The following LRP1B variants were observed in gnomAD, a reference collection of about 807,000 sequenced individuals.
LRP1B encodes low-density lipoprotein receptor-related protein 1B.
In LRP1B, 217 loss-of-function variants were observed where a neutral mutation model predicts 556.6. The observed-to-expected ratio is 0.39, with a 90% CI of 0.35 to 0.44. LRP1B has a LOEUF of 0.44. LRP1B is among the 20% of genes least tolerant of loss of function. The pLI is 1.00. For synonymous variants in LRP1B, 2,047 were observed against 1,865.8 expected (o/e 1.10, Z -2.50); for missense variants, 5,053 against 5,620.8 (o/e 0.90, Z 3.23).
intron 7 of LRP1B, among the ~76,000 whole-genome samples, chr2:141,082,364 C>T (rs1699945391): frequency 6.6e-6 from 1 of 151,930 alleles, no homozygotes; most frequent in African/African-American, 2.4e-5. Context: ...TGGATAAAAG[C>T]TGGGCTCTTC....
At chr2:141,436,780 A>G (rs988205224) in intron 3 of LRP1B, among the ~76,000 whole-genome samples, 5 of 152,178 alleles carry the variant, frequency 3.3e-5, no homozygotes, top group East Asian at 1.9e-4. Context: ...TAGGTTCAAA[A>G]TAGAGGAGGT....
intron 66 of LRP1B, among the ~76,000 whole-genome samples, chr2:140,387,129 T>C (rs1353981062): frequency 6.6e-6 from 1 of 152,164 alleles, no homozygotes; most frequent in Non-Finnish European, 1.5e-5. Context: ...TTCGTGTACT[T>C]AGATCAACTC....
At chr2:140,743,573 G>A (rs576690142) in intron 35 of LRP1B, among the ~76,000 whole-genome samples, 17 of 152,174 alleles carry the variant, frequency 1.1e-4, no homozygotes, top group Admixed American at 2.6e-4. Flanking sequence ...GTTCTGATGA[G>A]GATTAAATGA....
In LRP1B at chr2:140,804,042, T is replaced by C. The variant is rs184497518; in HGVS notation, c.5359+9615A>G. Among the ~76,000 whole-genome samples, 89 of 150,514 alleles carry C rather than the reference T, an allele frequency of 5.9e-4. 2 individuals carry two copies. The East Asian group carries it at 0.015, about 25-fold the overall frequency. ...CTTGAAGTTTCAGCTGCTTTTTACA[T>C]TCAGGGGAAGAGAGATTTAGTAAGC... On this transcript the variant is annotated intron_variant, in intron 32 of 90. Coordinates refer to ENST00000389484, the MANE Select transcript of LRP1B (RefSeq NM_018557.3).
At chr2:141,968,688 T>C (rs1177693193) in intron 1 of LRP1B, among the ~76,000 whole-genome samples, 1 of 151,752 alleles carries the variant, frequency 6.6e-6, no homozygotes, top group Admixed American at 6.6e-5. Context: ...AACACAAGAC[T>C]GTGGTTTCAA....
intron 7 of LRP1B, among the ~76,000 whole-genome samples, chr2:141,124,366 A>G (rs1308185587): frequency 2.0e-5 from 3 of 152,164 alleles, no homozygotes; most frequent in Non-Finnish European, 4.4e-5. Context: ...TGATAGTTAG[A>G]ATGCTTTTAA....
chr2:142,085,267 A>G (rs545737991), intron 1 of LRP1B, among the ~76,000 whole-genome samples: 2 of 152,134 alleles, frequency 1.3e-5, no homozygotes, highest in Non-Finnish European at 2.9e-5. Context: ...TGGCTCCTCA[A>G]ATAGGTGGAT....
At chr2:140,978,693 G>C (rs1696676751) in intron 18 of LRP1B, among the ~76,000 whole-genome samples, 1 of 152,124 alleles carries the variant, frequency 6.6e-6, no homozygotes, top group Non-Finnish European at 1.5e-5. Context: ...GTGAAATTGT[G>C]CCTACTAGAC....
At chr2:141,247,515 T>C (rs757578846) in intron 4 of LRP1B, among the ~76,000 whole-genome samples, 161 bp from the exon 5 acceptor site, 8 of 152,222 alleles carry the variant, frequency 5.3e-5, no homozygotes, top group Non-Finnish European at 8.8e-5. Context: ...ATTAAAATTA[T>C]TGCTGCCTTA....
At chr2:141,583,229 A>T (rs1005223985) in intron 2 of LRP1B, among the ~76,000 whole-genome samples, 8 of 152,198 alleles carry the variant, frequency 5.3e-5, no homozygotes, top group African/African-American at 1.9e-4. Flanking sequence ...GAAAAATTGT[A>T]TGGAAATCTG....
intron 7 of LRP1B, among the ~76,000 whole-genome samples, chr2:141,152,760 A>G (rs1198012225): frequency 6.6e-6 from 1 of 151,724 alleles, no homozygotes; most frequent in Non-Finnish European, 1.5e-5. Flanking sequence ...TTATTATCAC[A>G]TTATCTTTAA....
chr2:141,907,023 G>A (rs1449391541), intron 1 of LRP1B, among the ~76,000 whole-genome samples: 4 of 151,910 alleles, frequency 2.6e-5, no homozygotes, highest in Non-Finnish European at 5.9e-5. Flanking sequence ...ATTTATAGAG[G>A]GATGTGTGCA....
intron 1 of LRP1B, among the ~76,000 whole-genome samples, chr2:141,895,249 G>A (rs913225584): frequency 1.3e-5 from 2 of 152,112 alleles, no homozygotes; most frequent in Non-Finnish European, 2.9e-5. Context: ...TGGAGCCAAT[G>A]TGAGGTGTGT....
At position 140,432,873 on chromosome 2, in the gene LRP1B, C is replaced by CT. The variant is rs372912508; in HGVS notation, c.10414+9630dup. Among the ~76,000 whole-genome samples the CT allele has an allele frequency of 3.1e-3, 468 of 152,228 alleles. 1 individual carries two copies. The highest frequency in any genetic ancestry group is 0.011 in the African/African-American group (442 of 41,534). On this transcript the variant is annotated intron_variant, in intron 66 of 90. Transcript: ENST00000389484. The stretch of plus-strand genomic sequence containing the variant: ...AGGTAATATATTGGATTTCCTGACT[C>CT]TTTTTTGTAGTTGGGATTCAGAAAC...
intron 47 of LRP1B, among the ~76,000 whole-genome samples, chr2:140,527,502 A>C (rs1690486986): frequency 6.6e-6 from 1 of 151,956 alleles, no homozygotes; most frequent in South Asian, 2.1e-4. Context: ...GGTTCTTATT[A>C]TATTGAATTG....
intron 2 of LRP1B, among the ~76,000 whole-genome samples, chr2:141,751,477 A>T (rs1694110120): frequency 6.6e-6 from 1 of 152,198 alleles, no homozygotes; most frequent in African/African-American, 2.4e-5. Flanking sequence ...TACCAACTTC[A>T]GGAAGGCATA....
At chr2:140,701,930 A>G (rs2105427226) in intron 39 of LRP1B, 85 bp from the exon 40 acceptor site, 1 of 1,540,658 alleles carries the variant, frequency 6.5e-7, no homozygotes, top group South Asian at 1.2e-5. Context: ...TAACAGATGG[A>G]CCAACAGAAG....
At chr2:142,116,853 C>A (rs771026644) in intron 1 of LRP1B, among the ~76,000 whole-genome samples, 1 of 152,066 alleles carries the variant, frequency 6.6e-6, no homozygotes, top group Non-Finnish European at 1.5e-5. Flanking sequence ...ACACAGTTGG[C>A]CCTTGTTTAG....
intron 1 of LRP1B, among the ~76,000 whole-genome samples, chr2:142,012,719 T>G (rs1461783805): frequency 6.6e-6 from 1 of 152,178 alleles, no homozygotes; most frequent in East Asian, 1.9e-4. Flanking sequence ...TTTACCTTAC[T>G]GCATGGTTCA....
Sources: gnomAD v4.1 joint callset for allele counts (sites outside exome capture counted in the v4.1 genomes callset) on GRCh38, gnomAD v4.1.1 for gene constraint, MANE v1.5 for transcripts, NCBI Gene and HGNC (gene_info 2026-07-23, HGNC 2026-07-21) for gene names.